Variants in C7orf78 observed in about 807,000 individuals in gnomAD.
C7orf78 encodes the protein putative uncharacterized protein C7orf78.
the C7orf78 span, among the ~76,000 whole-genome samples, chr7:12,530,857 C>T: frequency 3.2e-4 from 49 of 152,274 alleles, 1 homozygote; most frequent in East Asian, 9.1e-3. Context: ...AAGGATGCTT[C>T]GTAAGCCCTT....
chr7:12,533,508 GTTTC>G, the C7orf78 span, among the ~76,000 whole-genome samples: 2 of 120,244 alleles, frequency 1.7e-5, no homozygotes, highest in Non-Finnish European at 3.5e-5. Context: ...GCCACCAAAG[GTTTC>G]TTTTTTTTTT....
the C7orf78 span, among the ~76,000 whole-genome samples, chr7:12,537,870 G>A: frequency 6.6e-6 from 1 of 152,160 alleles, no homozygotes; most frequent in African/African-American, 2.4e-5. Context: ...ATACTTAGGA[G>A]TTTTTTAAAA....
chr7:12,537,582 T>A, the C7orf78 span, among the ~76,000 whole-genome samples: 2 of 152,200 alleles, frequency 1.3e-5, no homozygotes, highest in African/African-American at 4.8e-5. Context: ...GTTGGATGTA[T>A]ACATACATAT....
the C7orf78 span, among the ~76,000 whole-genome samples, chr7:12,537,812 T>G: frequency 2.2e-4 from 34 of 152,190 alleles, no homozygotes; most frequent in Non-Finnish European, 4.7e-4. Context: ...GCAAAGAAAA[T>G]GAACAAAATG....
chr7:12,534,682 T>TA, the C7orf78 span, among the ~76,000 whole-genome samples: 2 of 152,148 alleles, frequency 1.3e-5, no homozygotes, highest in East Asian at 3.9e-4. Flanking sequence ...AGGCTGGGCA[T>TA]AATGGTTCAT....
the C7orf78 span, chr7:12,496,614 C>T: frequency 6.6e-6 from 1 of 152,142 alleles, no homozygotes; most frequent in African/African-American, 2.4e-5. Context: ...GCATTTAGCA[C>T]CTTATCTCGT....
chr7:12,523,279 A>G, the C7orf78 span: 3 of 398,346 alleles, frequency 7.5e-6, no homozygotes, highest in East Asian at 7.1e-5. Context: ...TGCCCAGCAT[A>G]AGGAATCATC....
chr7:12,511,957 A>ATTT, the C7orf78 span, among the ~76,000 whole-genome samples: 2 of 103,824 alleles, frequency 1.9e-5, no homozygotes, highest in East Asian at 2.8e-4. Flanking sequence ...TTGTATTTTC[A>ATTT]GTAGAGACGG....
the C7orf78 span, chr7:12,540,797 A>C: frequency 6.6e-6 from 1 of 152,242 alleles, no homozygotes; most frequent in Non-Finnish European, 1.5e-5. Flanking sequence ...AGGATTAAGC[A>C]AATGACATCT....
chr7:12,508,936 C>G, the C7orf78 span, among the ~76,000 whole-genome samples: 1 of 152,202 alleles, frequency 6.6e-6, no homozygotes, highest in Admixed American at 6.5e-5. Context: ...AAGGCTCCCA[C>G]CAATTCTACA....
the C7orf78 span, chr7:12,541,082 T>G: frequency 6.6e-6 from 1 of 152,216 alleles, no homozygotes; most frequent in African/African-American, 2.4e-5. Context: ...AAACAACAAA[T>G]GAAAGTTGCA....
the C7orf78 span, among the ~76,000 whole-genome samples, chr7:12,496,196 A>C: frequency 0.029 from 4,349 of 152,294 alleles, 210 homozygotes; most frequent in African/African-American, 0.099. Context: ...AAGTGCTGGG[A>C]ATACAGGCGT....
chr7:12,506,712 G>T, the C7orf78 span: 2 of 260,910 alleles, frequency 7.7e-6, no homozygotes, highest in Non-Finnish European at 1.5e-5. Flanking sequence ...GATAGGTACA[G>T]CAAACCAACA....
At chr7:12,504,385 A>G in the C7orf78 span, 5 of 152,190 alleles carry the variant, frequency 3.3e-5, no homozygotes, top group Admixed American at 6.6e-5. Flanking sequence ...TAGAAAATTA[A>G]TTCGGTTTCT....
chr7:12,532,794 G>C, the C7orf78 span, among the ~76,000 whole-genome samples: 1 of 152,266 alleles, frequency 6.6e-6, no homozygotes, highest in African/African-American at 2.4e-5. Context: ...TGGAAGATGA[G>C]AGAGGCTACT....
At chr7:12,501,806 G>A in the C7orf78 span, among the ~76,000 whole-genome samples, 1 of 133,112 alleles carries the variant, frequency 7.5e-6, no homozygotes, top group Admixed American at 7.9e-5. Flanking sequence ...AAAGCTGGAG[G>A]CATCACACTA....
the C7orf78 span, among the ~76,000 whole-genome samples, chr7:12,503,362 C>G: frequency 6.6e-6 from 1 of 151,762 alleles, no homozygotes; most frequent in African/African-American, 2.4e-5. Flanking sequence ...TTTTAGATGT[C>G]ATAATGGTGC....
At chr7:12,492,296 A>G in the C7orf78 span, among the ~76,000 whole-genome samples, 5 of 152,246 alleles carry the variant, frequency 3.3e-5, no homozygotes, top group Non-Finnish European at 5.9e-5. Context: ...TGACCAAGGT[A>G]GTTCTTTTAA....
chr7:12,514,972 T>C, the C7orf78 span, among the ~76,000 whole-genome samples: 1 of 152,248 alleles, frequency 6.6e-6, no homozygotes, highest in African/African-American at 2.4e-5. Context: ...GTAAGGTTTC[T>C]GATGAGAAAT....
Sources: allele counts gnomAD v4.1 joint callset (sites outside exome capture counted in the v4.1 genomes callset), GRCh38; gene constraint gnomAD v4.1.1; transcripts MANE v1.5; gene names NCBI Gene and HGNC (gene_info 2026-07-23, HGNC 2026-07-21).